HAUS2: variants seen among roughly 807,000 people sequenced by gnomAD.
HAUS2 encodes the protein HAUS augmin-like complex subunit 2.
Under a neutral mutation model 21.6 loss-of-function variants are expected in HAUS2, and 20 were observed. The ratio of observed to expected loss-of-function variants is 0.93; its 90% CI spans 0.65 to 1.35. The LOEUF (loss-of-function observed/expected upper bound fraction) is 1.35. HAUS2 is among the 40% of genes most tolerant of loss of function. HAUS2 has a pLI of 0.00. For synonymous variants in HAUS2, 113 were observed against 95.6 expected (o/e 1.18, Z -1.06); for missense variants, 297 against 280.7 (o/e 1.06, Z -0.42).
chr15:42,554,428 TC>T (rs2057752273), intron 1 of HAUS2, among the ~76,000 whole-genome samples: 1 of 152,058 alleles, frequency 6.6e-6, no homozygotes, highest in Non-Finnish European at 1.5e-5. Context: ...AGATGTAAAC[TC>T]TGTACTATTC....
intron 4 of HAUS2, among the ~76,000 whole-genome samples, chr15:42,563,080 T>G (rs1027643757): frequency 5.4e-5 from 8 of 149,016 alleles, no homozygotes; most frequent in African/African-American, 2.0e-4. Flanking sequence ...GCCACTGCAC[T>G]CCAGCCTGGG....
At chr15:42,557,878 C>T (rs1054026662) in intron 1 of HAUS2, among the ~76,000 whole-genome samples, 2 of 152,006 alleles carry the variant, frequency 1.3e-5, no homozygotes, top group Non-Finnish European at 2.9e-5. Context: ...AGGTGATTCT[C>T]CAACAAATTT....
At chr15:42,549,765 C>CAAAAAAAAA (rs58614126) in intron 1 of HAUS2, among the ~76,000 whole-genome samples, 3 of 58,106 alleles carry the variant, frequency 5.2e-5, no homozygotes, top group East Asian at 6.0e-4. Flanking sequence ...TCTTTAAAGG[C>CAAAAAAAAA]AAAAAAAAAA....
chr15:42,550,912 C>T (rs2141589174), intron 1 of HAUS2, among the ~76,000 whole-genome samples: 1 of 152,206 alleles, frequency 6.6e-6, no homozygotes, highest in Non-Finnish European at 1.5e-5. Flanking sequence ...CGTGATCTGC[C>T]TGCCTCTGCC....
rs115403619 is a variant in HAUS2, at chr15:42,565,610, T to G, written c.499-997T>G. ...CTACAGACATCATGCACCCTAGAAC[T>G]TCAGAATCAGAATCTACGTTTTAAC... is the stretch of plus-strand genomic sequence containing the variant. On this transcript the variant is annotated intron_variant, in intron 5 of 5. Transcript: ENST00000260372. 6.6e-3 allele frequency among the ~76,000 whole-genome samples: 1,006 copies of G among 152,116 alleles called. 8 individuals are homozygous for G. Among genetic ancestry groups the G allele is most frequent in the African/African-American group, 0.024 (981 of 41,496 alleles).
At chr15:42,557,119 C>G (rs2057786266) in intron 1 of HAUS2, among the ~76,000 whole-genome samples, 2 of 148,900 alleles carry the variant, frequency 1.3e-5, no homozygotes, top group South Asian at 4.2e-4. Context: ...TCGAGACCAT[C>G]CTGGCTAACA....
intron 1 of HAUS2, among the ~76,000 whole-genome samples, chr15:42,556,009 C>T (rs573991698): frequency 2.0e-5 from 3 of 151,922 alleles, no homozygotes; most frequent in South Asian, 2.1e-4. Flanking sequence ...TGCAGTGGCG[C>T]GATCTCGGCT....
Position 42,567,977 on chromosome 15 carries a change from C to G in HAUS2, c.*1161C>G, listed in dbSNP as rs1403627965. Reference sequence around the variant, plus strand: ...GTTGCAGTGAGCCCAGATCGTGCCACCGCACTCTAGCCTGGGCAACAGAGC... The same window carrying G: ...GTTGCAGTGAGCCCAGATCGTGCCAGCGCACTCTAGCCTGGGCAACAGAGC... On this transcript the variant is annotated 3_prime_UTR_variant, in exon 6 of 6. Transcript: ENST00000260372. 2 of 151,088 alleles carry G rather than the reference C, an allele frequency of 1.3e-5. No individual in the cohort carries two copies. Among genetic ancestry groups the G allele is most frequent in the African/African-American group, 2.4e-5 (1 of 40,986 alleles). 9.4% of individuals were successfully genotyped at this position (151,088 alleles called of 1,614,324 possible).
At chr15:42,560,546 A>G (rs1352212387) in intron 3 of HAUS2, among the ~76,000 whole-genome samples, 1 of 152,222 alleles carries the variant, frequency 6.6e-6, no homozygotes, top group Non-Finnish European at 1.5e-5. Flanking sequence ...GAAGAATTTT[A>G]AAGAAAGGTC....
chr15:42,549,340 A>G (rs2057695241), intron 1 of HAUS2, among the ~76,000 whole-genome samples: 1 of 152,182 alleles, frequency 6.6e-6, no homozygotes, highest in Non-Finnish European at 1.5e-5. Context: ...AAGCATTTCC[A>G]ACAACCCTCG....
In HAUS2 at chr15:42,560,719, GCTAGGA is replaced by G. The variant is rs1020891752; in HGVS notation, c.257-547_257-542del. On this transcript the variant is annotated intron_variant, in intron 3 of 5. Transcript: ENST00000260372. The stretch of plus-strand genomic sequence containing the variant: ...TGGTTTCAACTGATTCTCTCAAGTA[GCTAGGA>G]CTACTGGCATGTGCCACCATGCCCA... 53 of 686,252 alleles carry G rather than the reference GCTAGGA, an allele frequency of 7.7e-5. No homozygotes were observed. In the Middle Eastern group the frequency reaches 8.9e-4, roughly 12 times the overall value. The allele number at this position is 686,252 out of a possible 1,614,324, so 42.5% of individuals were successfully genotyped here.
Position 42,567,500 on chromosome 15 carries a change from G to C in HAUS2, c.*684G>C, listed in dbSNP as rs1268054027. 1.3e-5 allele frequency: 2 copies of C among 151,926 alleles called. No homozygotes were observed. Among genetic ancestry groups the C allele is most frequent in the Non-Finnish European group, 2.9e-5 (2 of 68,108 alleles). 9.4% of individuals were successfully genotyped at this position (151,926 alleles called of 1,614,324 possible). On this transcript the variant is annotated 3_prime_UTR_variant, in exon 6 of 6. Coordinates refer to ENST00000260372, the MANE Select transcript of HAUS2 (RefSeq NM_018097.3). ...GGGCAGATCATGAGGTCAGGAGTTCGAGACCAGCCTGGCCAACATGGCGAA... is the reference window on the plus strand; with the variant it reads ...GGGCAGATCATGAGGTCAGGAGTTCCAGACCAGCCTGGCCAACATGGCGAA...
At chr15:42,564,975 A>G (rs1194837672) in intron 5 of HAUS2, among the ~76,000 whole-genome samples, 1 of 152,160 alleles carries the variant, frequency 6.6e-6, no homozygotes, top group Non-Finnish European at 1.5e-5. Flanking sequence ...AGCTGGGATT[A>G]CAGGTGCCCA....
rs956202094 is a variant in HAUS2 at position 42,568,862 on chromosome 15, C to T, written c.*2046C>T. 2 of 152,230 alleles carry T rather than the reference C, an allele frequency of 1.3e-5. No individual in the cohort carries two copies. The highest frequency in any genetic ancestry group is 1.3e-4 in the Admixed American group (2 of 15,284). 9.4% of individuals were successfully genotyped at this position (152,230 alleles called of 1,614,324 possible). A position where few individuals can be genotyped will look rare whatever the true frequency, so the allele number is the denominator to read the frequency against. On this transcript the variant is annotated 3_prime_UTR_variant, in exon 6 of 6. Transcript: ENST00000260372. ...ACCTGGTTTCCCCCAGACTTTGCCT[C>T]TGTACCTTTTCTCTTTGCTGTTTTG... is the stretch of plus-strand genomic sequence containing the variant.
intron 1 of HAUS2, among the ~76,000 whole-genome samples, chr15:42,554,952 C>A (rs1241413901): frequency 1.3e-5 from 2 of 151,858 alleles, no homozygotes; most frequent in African/African-American, 4.8e-5. Flanking sequence ...CCCAGCCTCC[C>A]AAGTAGCTGG....
intron 1 of HAUS2, among the ~76,000 whole-genome samples, chr15:42,551,606 A>G (rs1954229007): frequency 1.3e-5 from 2 of 151,896 alleles, no homozygotes; most frequent in South Asian, 2.1e-4. Context: ...GTGCCACTGC[A>G]CTCCAGCCTG....
intron 1 of HAUS2, among the ~76,000 whole-genome samples, chr15:42,552,402 T>C (rs1432752982): frequency 6.6e-6 from 1 of 152,204 alleles, no homozygotes. Flanking sequence ...AAACAGCCCA[T>C]CCCTTTAATG....
rs1177321505 is a variant in HAUS2, at chr15:42,552,975, T to A, written c.93+4010T>A. On this transcript the variant is annotated intron_variant, in intron 1 of 5. Transcript: ENST00000260372. Reference sequence around the variant, plus strand: ...TTATACATACATATATGGTATATAATGTTACCAGGATTTTTTTTTTTTTTT... The same window carrying A: ...TTATACATACATATATGGTATATAAAGTTACCAGGATTTTTTTTTTTTTTT... Among the ~76,000 whole-genome samples, 4 of 150,702 alleles carry A rather than the reference T, an allele frequency of 2.7e-5. No individual in the cohort carries two copies. The East Asian group carries it at 7.7e-4, about 29-fold the overall frequency.
In HAUS2 at chr15:42,548,898, C is replaced by A. The variant is rs895195197; in HGVS notation, c.26C>A (p.Pro9Gln). The A allele has an allele frequency of 3.2e-5, 49 of 1,550,586 alleles. No individual in the cohort carries two copies. Among genetic ancestry groups the A allele is most frequent in the Non-Finnish European group, 4.1e-5 (47 of 1,146,862 alleles). Residue 9 changes from proline to glutamine, a missense_variant, in exon 1 of 6, where the codon CCG becomes CAG. Pro to Gln is a moderately conservative substitution (Grantham distance 76, BLOSUM62 -1). Transcript: ENST00000260372. ...ATGGCCGCTGCCAACCCGTGGGACC[C>A]GGCGTCCGCGCCTAACGGCGCTGGG... MAAANPWD[P>Q]ASAPNGAGLV...
Sources: gnomAD v4.1 joint callset for allele counts (sites outside exome capture counted in the v4.1 genomes callset) on GRCh38, gnomAD v4.1.1 for gene constraint, MANE v1.5 for transcripts, NCBI Gene and HGNC (gene_info 2026-07-23, HGNC 2026-07-21) for gene names.